The following TFCP2 variants were observed in gnomAD, a reference collection of about 807,000 sequenced individuals.
TFCP2 encodes the protein transcription factor CP2.
TFCP2 carries 33 observed loss-of-function variants against 73.4 expected under a neutral mutation model. The ratio of observed to expected loss-of-function variants is 0.45; its 90% CI spans 0.34 to 0.60. The LOEUF (loss-of-function observed/expected upper bound fraction) is 0.60, where lower values mean the gene tolerates loss of function less well. TFCP2 is among the 20% of genes least tolerant of loss of function. The probability of loss-of-function intolerance (pLI) is 0.01; values close to 1 mark genes in which losing one functional copy is unlikely to be tolerated. For missense variants in TFCP2, 352 were observed against 604.0 expected, an observed-to-expected ratio of 0.58 and a Z score of 4.37; for synonymous variants, 193 against 211.6, an observed-to-expected ratio of 0.91 and a Z score of 0.76.
chr12:51,118,888 G>A, intron 1 of TFCP2, 116 bp from the exon 2 acceptor site: 1 of 1,205,128 alleles, frequency 8.3e-7, no homozygotes, highest in Non-Finnish European at 1.2e-6. Flanking sequence ...CACCTTGGTG[G>A]AGTTTCATCC....
intron 1 of TFCP2, among the ~76,000 whole-genome samples, chr12:51,123,299 G>A (rs1006382160): frequency 2.0e-5 from 3 of 152,118 alleles, no homozygotes; most frequent in African/African-American, 7.2e-5. Context: ...TTGCTACACC[G>A]CATTTCTTTT....
Position 51,107,317 on chromosome 12 carries a change from C to A in TFCP2, c.747G>T (p.Thr249=). Residue 249 remains threonine (T), a synonymous_variant, in exon 7 of 15, where the codon ACG becomes ACT. Transcript: ENST00000257915. ...TTCGTTTCTCCATTTTTTCCCTATC[C>A]GTTTTTTGCTTTCTGTCTGCACCTT... is the stretch of plus-strand genomic sequence containing the variant. ...KPKGADRKQK[T]DREKMEKRTP... The A allele has an allele frequency of 1.2e-6, 2 of 1,612,750 alleles. No homozygotes were observed. The highest frequency in any genetic ancestry group is 1.7e-6 in the Non-Finnish European group (2 of 1,179,726).
intron 1 of TFCP2, among the ~76,000 whole-genome samples, chr12:51,149,465 G>A (rs774709353): frequency 6.6e-6 from 1 of 152,032 alleles, no homozygotes; most frequent in Non-Finnish European, 1.5e-5. Context: ...TTTGTAGGTT[G>A]TTTTCCATAA....
At chr12:51,141,269 T>C (rs1428550826) in intron 1 of TFCP2, among the ~76,000 whole-genome samples, 5 of 151,790 alleles carry the variant, frequency 3.3e-5, no homozygotes, top group African/African-American at 1.2e-4. Context: ...CTGATCTTTC[T>C]GCCCAGAAGG....
At chr12:51,159,047 T>C (rs1218107558) in intron 1 of TFCP2, among the ~76,000 whole-genome samples, 4 of 140,604 alleles carry the variant, frequency 2.8e-5, no homozygotes, top group African/African-American at 1.0e-4. Context: ...GGCGTGGTGG[T>C]AGGCGCCTTT....
intron 1 of TFCP2, among the ~76,000 whole-genome samples, chr12:51,131,100 C>T (rs922105169): frequency 2.7e-5 from 4 of 150,586 alleles, no homozygotes; most frequent in East Asian, 2.0e-4. Context: ...GAGGCCGAGG[C>T]GGGCGGATCA....
chr12:51,101,177 C>T (rs1047189336), intron 11 of TFCP2, among the ~76,000 whole-genome samples: 13 of 151,888 alleles, frequency 8.6e-5, no homozygotes, highest in African/African-American at 9.7e-5. Context: ...TGGTGGCAGG[C>T]GCCTGTAGTC....
chr12:51,164,021 T>G (rs1941702699), intron 1 of TFCP2, among the ~76,000 whole-genome samples: 1 of 150,582 alleles, frequency 6.6e-6, no homozygotes, highest in Non-Finnish European at 1.5e-5. Flanking sequence ...GGCAAGACAG[T>G]GAGACCCCAT....
chr12:51,124,872 T>G (rs1475437073), intron 1 of TFCP2: 1 of 1,267,336 alleles, frequency 7.9e-7, no homozygotes, highest in East Asian at 2.3e-5. Flanking sequence ...TTCCACTGCT[T>G]CTGTGAACTC....
At chr12:51,109,418 A>G in intron 5 of TFCP2, 145 bp from the exon 6 acceptor site, 5 of 748,082 alleles carry the variant, frequency 6.7e-6, no homozygotes, top group Non-Finnish European at 1.1e-5. Context: ...TTGATCTTGA[A>G]GAACTTACAA....
intron 1 of TFCP2, among the ~76,000 whole-genome samples, chr12:51,150,467 C>A (rs868312029): frequency 6.6e-6 from 1 of 151,926 alleles, no homozygotes; most frequent in African/African-American, 2.4e-5. Context: ...ATTAAAAATT[C>A]TTTTTAATTT....
chr12:51,161,760 C>CAAAAAAAAAAA (rs60679909), intron 1 of TFCP2, among the ~76,000 whole-genome samples: 1 of 76,222 alleles, frequency 1.3e-5, no homozygotes, highest in Non-Finnish European at 2.4e-5. Flanking sequence ...GACTCCATAT[C>CAAAAAAAAAAA]AAAAAAAAAA....
intron 1 of TFCP2, among the ~76,000 whole-genome samples, chr12:51,160,282 C>T (rs1207326240): frequency 6.6e-6 from 1 of 151,988 alleles, no homozygotes; most frequent in East Asian, 1.9e-4. Flanking sequence ...ATTACAGGTG[C>T]CCACCACCAT....
At chr12:51,105,606 G>T (rs1425905248) in intron 8 of TFCP2, among the ~76,000 whole-genome samples, 3 of 151,992 alleles carry the variant, frequency 2.0e-5, no homozygotes, top group Non-Finnish European at 4.4e-5. Context: ...TTTAAAAAAA[G>T]ATCTTTTTCC....
At chr12:51,099,855 T>C (rs1940066605) in intron 11 of TFCP2, 76 bp from the exon 12 acceptor site, 1 of 1,560,530 alleles carries the variant, frequency 6.4e-7, no homozygotes, top group Non-Finnish European at 8.7e-7. Flanking sequence ...GAAATTGTGT[T>C]TCTACATTAA....
At chr12:51,140,395 C>G (rs567126863) in intron 1 of TFCP2, among the ~76,000 whole-genome samples, 2 of 144,500 alleles carry the variant, frequency 1.4e-5, no homozygotes, top group East Asian at 4.3e-4. Flanking sequence ...GAGACTCTGT[C>G]TTTCTTCCTT....
chr12:51,104,163 C>G lies in TFCP2; in HGVS notation c.958G>C (p.Val320Leu). The change falls in exon 9 of 15, where the codon GTC becomes CTC. Residue 320 changes from valine (V) to leucine (L), a missense_variant. Coordinates refer to ENST00000257915, the MANE Select transcript of TFCP2 (RefSeq NM_005653.5). ...PNHQPEPPPP[V>L]TDNLLPTTTP... ...TTCAACTTTAGACTTACATCTGTGA[C>G]TGGAGGGGGTGGCTCTGGCTGGTGG... 6.2e-7 allele frequency: 1 copy of G among 1,614,026 alleles called. No homozygotes were observed. The highest frequency in any genetic ancestry group is 2.2e-5 in the East Asian group (1 of 44,862).
intron 1 of TFCP2, among the ~76,000 whole-genome samples, chr12:51,153,838 A>T (rs1941480247): frequency 6.6e-6 from 1 of 152,218 alleles, no homozygotes; most frequent in Non-Finnish European, 1.5e-5. Context: ...GTTGTTAAAC[A>T]TGGGTGTACA....
At chr12:51,141,896 ACT>A (rs1408718469) in intron 1 of TFCP2, among the ~76,000 whole-genome samples, 1 of 128,586 alleles carries the variant, frequency 7.8e-6, no homozygotes, top group African/African-American at 2.9e-5. Flanking sequence ...ACAGAGTGAG[ACT>A]CTGTCTCAAA....
Sources: gnomAD v4.1 joint callset for allele counts (sites outside exome capture counted in the v4.1 genomes callset) on GRCh38, gnomAD v4.1.1 for gene constraint, MANE v1.5 for transcripts, NCBI Gene and HGNC (gene_info 2026-07-23, HGNC 2026-07-21) for gene names.